The following CEBPG variants were observed in gnomAD, a reference collection of about 807,000 sequenced individuals.
CEBPG encodes CCAAT/enhancer-binding protein gamma.
In CEBPG, 6 loss-of-function variants were observed where a neutral mutation model predicts 11.1. The ratio of observed to expected loss-of-function variants is 0.54; its 90% CI spans 0.30 to 1.07. The LOEUF is 1.07. Among genes scored for constraint, CEBPG ranks in the 50% least tolerant of loss-of-function variants. The probability of loss-of-function intolerance (pLI) is 0.07; values close to 1 mark genes in which losing one functional copy is unlikely to be tolerated. For synonymous variants in CEBPG, 66 were observed against 71.0 expected (o/e 0.93, Z 0.36); for missense variants, 161 against 187.4 (o/e 0.86, Z 0.82).
intron 1 of CEBPG, among the ~76,000 whole-genome samples, chr19:33,376,299 T>G (rs1211667481): frequency 6.6e-6 from 1 of 152,138 alleles, no homozygotes; most frequent in Non-Finnish European, 1.5e-5. Flanking sequence ...TTGAGAAAAA[T>G]TTGATTTTGT....
At chr19:33,377,424 A>G (rs1188651721) in intron 1 of CEBPG, among the ~76,000 whole-genome samples, 2 of 152,262 alleles carry the variant, frequency 1.3e-5, no homozygotes, top group Non-Finnish European at 2.9e-5. Flanking sequence ...TTTAAAGGCT[A>G]AAAATATAAT....
rs1967977588 is a variant in CEBPG at position 33,380,826 on chromosome 19, T to C, written c.*1134T>C. The C allele has an allele frequency of 6.0e-6, 1 of 166,920 alleles. No homozygotes were observed. Among genetic ancestry groups the C allele is most frequent in the Admixed American group, 6.5e-5 (1 of 15,290 alleles). 10.3% of individuals were successfully genotyped at this position (166,920 alleles called of 1,614,324 possible). ...TTTCTCTTAAATACATCTTTTGATA[T>C]TGTTGTTGTGACATTTCTTTTTCTG... On this transcript the variant is annotated 3_prime_UTR_variant, in exon 2 of 2. Coordinates refer to ENST00000284000, the MANE Select transcript of CEBPG (RefSeq NM_001806.4).
At position 33,380,751 on chromosome 19, in the gene CEBPG, A is replaced by G. The variant is rs957807185; in HGVS notation, c.*1059A>G. 2.4e-5 allele frequency: 4 copies of G among 166,954 alleles called. No individual in the cohort carries two copies. The highest frequency in any genetic ancestry group is 4.4e-5 in the Non-Finnish European group (3 of 68,120). 10.3% of individuals were successfully genotyped at this position (166,954 alleles called of 1,614,324 possible). A position where few individuals can be genotyped will look rare whatever the true frequency, so the allele number is the denominator to read the frequency against. ...GTATCAACTCCATGCCATCTCCCAA[A>G]ATAATTGTCTAAGAAAACTTGAAAG... On this transcript the variant is annotated 3_prime_UTR_variant, in exon 2 of 2. Coordinates refer to ENST00000284000, the MANE Select transcript of CEBPG (RefSeq NM_001806.4).
chr19:33,379,067 A>ATG (rs140431829), intron 1 of CEBPG, 77 bp from the exon 2 acceptor site: 67 of 541,846 alleles, frequency 1.2e-4, no homozygotes, highest in African/African-American at 1.2e-3. Context: ...TGTTGGCCTG[A>ATG]TGTTAGGTAC....
In CEBPG at chr19:33,382,570, C is replaced by G. The variant is rs1968003432; in HGVS notation, c.*2878C>G. 6.0e-6 allele frequency: 1 copy of G among 167,090 alleles called. No homozygotes were observed. 10.4% of individuals were successfully genotyped at this position (167,090 alleles called of 1,614,324 possible). A position where few individuals can be genotyped will look rare whatever the true frequency, so the allele number is the denominator to read the frequency against. On this transcript the variant is annotated 3_prime_UTR_variant, in exon 2 of 2. Coordinates refer to ENST00000284000, the MANE Select transcript of CEBPG (RefSeq NM_001806.4). ...TAGATCTGCCTCTCAGGAAAAAGTA[C>G]TAACTTGTTCTTTTTGTTCCTGGCT...
chr19:33,376,645 C>G (rs1224430800), intron 1 of CEBPG, among the ~76,000 whole-genome samples: 1 of 152,234 alleles, frequency 6.6e-6, no homozygotes, highest in Non-Finnish European at 1.5e-5. Context: ...CTGCTGTTTC[C>G]TCCTTGAGTG....
In CEBPG at chr19:33,379,191, C is replaced by G; in HGVS notation, c.-49C>G. ...AGCTTAGCGTGGAAACCATTGATCA[C>G]CCTGCTCTCATTTCTACCTGTTCTG... On this transcript the variant is annotated 5_prime_UTR_variant, in exon 2 of 2. Coordinates refer to ENST00000284000, the MANE Select transcript of CEBPG (RefSeq NM_001806.4). The G allele has an allele frequency of 2.0e-6, 3 of 1,480,214 alleles. No homozygotes were observed. The highest frequency in any genetic ancestry group is 2.7e-6 in the Non-Finnish European group (3 of 1,109,980). The allele number at this position is 1,480,214 out of a possible 1,614,324, so 91.7% of individuals were successfully genotyped here. A position where few individuals can be genotyped will look rare whatever the true frequency, so the allele number is the denominator to read the frequency against.
intron 1 of CEBPG, 83 bp from the exon 2 acceptor site, chr19:33,379,061 G>T: frequency 3.8e-6 from 2 of 525,090 alleles, no homozygotes; most frequent in Non-Finnish European, 6.6e-6. Flanking sequence ...AATTAATGTT[G>T]GCCTGATGTT....
chr19:33,379,613 A>T lies in CEBPG; in HGVS notation c.374A>T (p.His125Leu). ...LSVLKDLFLEHAHNLADNVQS... is the reference protein window; with the variant it reads ...LSVLKDLFLELAHNLADNVQS... The stretch of plus-strand genomic sequence containing the variant: ...GTACTCAAAGATTTGTTTCTTGAGC[A>T]TGCACACAACCTTGCAGACAACGTA... Residue 125 changes from histidine (H) to leucine (L), a missense_variant, in exon 2 of 2, where the codon CAT (histidine) becomes CTT (leucine). Transcript: ENST00000284000. 6.2e-7 allele frequency: 1 copy of T among 1,614,190 alleles called. No individual in the cohort carries two copies. The highest frequency in any genetic ancestry group is 8.5e-7 in the Non-Finnish European group (1 of 1,180,040).
chr19:33,378,443 CAAG>C (rs1784330999), intron 1 of CEBPG, among the ~76,000 whole-genome samples: 2 of 152,066 alleles, frequency 1.3e-5, no homozygotes, highest in Admixed American at 6.5e-5. Flanking sequence ...CTAATTATGT[CAAG>C]AAGAAAAAAC....
rs958079961 is a variant in CEBPG at position 33,373,791 on chromosome 19, C to T, written c.-201C>T. The T allele has an allele frequency of 6.6e-6, 1 of 151,650 alleles. No individual in the cohort carries two copies. Among genetic ancestry groups the T allele is most frequent in the African/African-American group, 2.4e-5 (1 of 41,332 alleles). 9.4% of individuals were successfully genotyped at this position (151,650 alleles called of 1,614,324 possible). A position where few individuals can be genotyped will look rare whatever the true frequency, so the allele number is the denominator to read the frequency against. ...GCTGCCGGTTTCGTAACCGTCGCTC[C>T]TCCTCGCTGACTCGCGGGCTGTGAG... is the stretch of plus-strand genomic sequence containing the variant. On this transcript the variant is annotated 5_prime_UTR_variant, in exon 1 of 2. Coordinates refer to ENST00000284000, the MANE Select transcript of CEBPG (RefSeq NM_001806.4).
At chr19:33,374,849 G>A (rs1350945701) in intron 1 of CEBPG, among the ~76,000 whole-genome samples, 3 of 152,202 alleles carry the variant, frequency 2.0e-5, no homozygotes, top group African/African-American at 7.2e-5. Flanking sequence ...TGAATAGGTT[G>A]TCACTTAAGG....
intron 1 of CEBPG, among the ~76,000 whole-genome samples, chr19:33,376,539 G>A (rs1967914006): frequency 6.6e-6 from 1 of 152,188 alleles, no homozygotes; most frequent in Non-Finnish European, 1.5e-5. Flanking sequence ...TTCTAAGTCT[G>A]GGGCAGCCTG....
In CEBPG at chr19:33,379,778, T is replaced by C. The variant is rs1967962692; in HGVS notation, c.*86T>C. On this transcript the variant is annotated 3_prime_UTR_variant, in exon 2 of 2. Coordinates refer to ENST00000284000, the MANE Select transcript of CEBPG (RefSeq NM_001806.4). Reference sequence around the variant, plus strand: ...ACCACTCATGTCAATGGCTGAAAGTTGTCCATTTCCATGACTCAAAGACCC... The same window carrying C: ...ACCACTCATGTCAATGGCTGAAAGTCGTCCATTTCCATGACTCAAAGACCC... The C allele has an allele frequency of 7.8e-7, 1 of 1,288,298 alleles. No homozygotes were observed. The highest frequency in any genetic ancestry group is 2.5e-5 in the Admixed American group (1 of 39,328). 79.8% of individuals were successfully genotyped at this position (1,288,298 alleles called of 1,614,324 possible).
intron 1 of CEBPG, among the ~76,000 whole-genome samples, chr19:33,374,130 A>G (rs1568436786): frequency 6.7e-6 from 1 of 149,028 alleles, no homozygotes; most frequent in Non-Finnish European, 1.5e-5. Context: ...GCCGCGGCCC[A>G]GCGCTGCGGC....
In CEBPG at chr19:33,375,722, G is replaced by T. The variant is rs1967903761; in HGVS notation, c.-97+1827G>T. ...CTTGTGAAGATCTGCAGGGAGACAC[G>T]ATGCGGCTGGAGTTGACAGACCTAG... On this transcript the variant is annotated intron_variant, in intron 1 of 1. Coordinates refer to ENST00000284000, the MANE Select transcript of CEBPG (RefSeq NM_001806.4). Among the ~76,000 whole-genome samples, 3 of 152,132 alleles carry T rather than the reference G, an allele frequency of 2.0e-5. No homozygotes were observed. The South Asian group carries it at 6.2e-4, about 32-fold the overall frequency.
chr19:33,374,383 G>C (rs1024713630), intron 1 of CEBPG: 3 of 152,230 alleles, frequency 2.0e-5, no homozygotes, highest in African/African-American at 7.2e-5. Flanking sequence ...TCGAAAATCT[G>C]TTCAGAAGTT....
chr19:33,381,603 ATTAAC>A lies in CEBPG; in HGVS notation c.*1916_*1920del, dbSNP rs1263591344. 1.2e-5 allele frequency: 2 copies of A among 167,094 alleles called. No individual in the cohort carries two copies. The highest frequency in any genetic ancestry group is 2.9e-5 in the Non-Finnish European group (2 of 68,128). 10.4% of individuals were successfully genotyped at this position (167,094 alleles called of 1,614,324 possible). The stretch of plus-strand genomic sequence containing the variant: ...CTTAGCAGCTGATTGGTGTTACATA[ATTAAC>A]TTAATTGGAGATGCATTAGGTCACT... On this transcript the variant is annotated 3_prime_UTR_variant, in exon 2 of 2. Coordinates refer to ENST00000284000, the MANE Select transcript of CEBPG (RefSeq NM_001806.4).
intron 1 of CEBPG, among the ~76,000 whole-genome samples, chr19:33,377,959 C>T (rs550047825): frequency 1.3e-4 from 20 of 152,326 alleles, no homozygotes; most frequent in Admixed American, 5.2e-4. Flanking sequence ...CTGCATAAAT[C>T]TGACTCCAGA....
Sources: allele counts gnomAD v4.1 joint callset (sites outside exome capture counted in the v4.1 genomes callset), GRCh38; gene constraint gnomAD v4.1.1; transcripts MANE v1.5; gene names NCBI Gene and HGNC (gene_info 2026-07-23, HGNC 2026-07-21).